DSCAML1: variants seen among roughly 807,000 people sequenced by gnomAD.
The protein encoded by DSCAML1 is DS cell adhesion molecule like 1.
In DSCAML1, 38 loss-of-function variants were observed where a neutral mutation model predicts 200.5. The observed-to-expected ratio is 0.19, with a 90% confidence interval of 0.15 to 0.25. DSCAML1 has a LOEUF of 0.25. DSCAML1 is among the 10% of genes least tolerant of loss of function. The probability of loss-of-function intolerance (pLI) is 1.00; values close to 1 mark genes in which losing one functional copy is unlikely to be tolerated. For missense variants in DSCAML1, 2,223 were observed against 2,858.8 expected, an observed-to-expected ratio of 0.78 and a Z score of 5.07; for synonymous variants, 1,215 against 1,165.0, an observed-to-expected ratio of 1.04 and a Z score of -0.87.
At chr11:117,660,505 G>A (rs1034959980) in intron 3 of DSCAML1, among the ~76,000 whole-genome samples, 6 of 152,170 alleles carry the variant, frequency 3.9e-5, no homozygotes, top group Non-Finnish European at 5.9e-5. Context: ...GGCAGCAAGG[G>A]CAAAGTCTTC....
chr11:117,759,537 A>G (rs1050983368), intron 3 of DSCAML1, among the ~76,000 whole-genome samples: 3 of 151,908 alleles, frequency 2.0e-5, no homozygotes, highest in African/African-American at 4.8e-5. Flanking sequence ...TCGACTCCCA[A>G]CTTTCTCTTG....
At chr11:117,711,692 T>A (rs934133780) in intron 3 of DSCAML1, among the ~76,000 whole-genome samples, 1 of 152,208 alleles carries the variant, frequency 6.6e-6, no homozygotes, top group African/African-American at 2.4e-5. Context: ...GCCGGTCCTT[T>A]TTTTTCCTCC....
chr11:117,666,364 A>G (rs2052975669), intron 3 of DSCAML1, among the ~76,000 whole-genome samples: 1 of 152,222 alleles, frequency 6.6e-6, no homozygotes, highest in Non-Finnish European at 1.5e-5. Context: ...AAGTTGTGTA[A>G]TCAATGTTAG....
At chr11:117,646,363 G>C (rs2052523143) in intron 3 of DSCAML1, among the ~76,000 whole-genome samples, 1 of 152,076 alleles carries the variant, frequency 6.6e-6, no homozygotes, top group Admixed American at 6.6e-5. Context: ...TGTTTGATGA[G>C]GCCAGAAGTG....
rs138054885 is a variant in DSCAML1, at chr11:117,593,253, G to T, written c.512-60731C>A. On this transcript the variant is annotated intron_variant, in intron 3 of 32. Coordinates refer to ENST00000651296, the MANE Select transcript of DSCAML1 (RefSeq NM_020693.4). ...GTGCAGAAGAAAATGGATGCCTTCT[G>T]CCCTGCAGCAAAATCTCTGCTTTCT... Among the ~76,000 whole-genome samples the T allele has an allele frequency of 7.2e-5, 11 of 152,316 alleles. No individual in the cohort carries two copies. The East Asian group carries it at 2.1e-3, about 29-fold the overall frequency.
intron 3 of DSCAML1, among the ~76,000 whole-genome samples, chr11:117,587,066 C>T (rs910779654): frequency 4.6e-5 from 7 of 152,152 alleles, no homozygotes; most frequent in African/African-American, 7.2e-5. Context: ...GGCCACATCA[C>T]GCAGGACCCC....
intron 15 of DSCAML1, 103 bp from the exon 16 acceptor site, chr11:117,470,083 G>C: frequency 9.1e-7 from 1 of 1,093,600 alleles, no homozygotes; most frequent in Non-Finnish European, 1.3e-6. Flanking sequence ...GGGCTCCTGG[G>C]GAGAAGACTA....
At chr11:117,769,090 A>C (rs1395289779) in intron 3 of DSCAML1, among the ~76,000 whole-genome samples, 7 of 129,480 alleles carry the variant, frequency 5.4e-5, no homozygotes, top group African/African-American at 2.0e-4. Context: ...TATATATAAT[A>C]TATATTTTAT....
At chr11:117,568,902 G>C (rs1357364998) in intron 3 of DSCAML1, among the ~76,000 whole-genome samples, 1 of 152,106 alleles carries the variant, frequency 6.6e-6, no homozygotes, top group Non-Finnish European at 1.5e-5. Context: ...AAAAGAGCCC[G>C]CATCACCAAG....
At chr11:117,700,049 C>T (rs765264504) in intron 3 of DSCAML1, among the ~76,000 whole-genome samples, 7 of 152,124 alleles carry the variant, frequency 4.6e-5, no homozygotes, top group East Asian at 3.9e-4. Context: ...AAAGAGACCT[C>T]GTGCTTGTGT....
intron 19 of DSCAML1, among the ~76,000 whole-genome samples, chr11:117,458,077 G>A (rs1407919591): frequency 2.5e-5 from 3 of 121,410 alleles, no homozygotes; most frequent in East Asian, 4.6e-4. Context: ...TGCCTCCCTG[G>A]CGGCCCTGGG....
intron 3 of DSCAML1, among the ~76,000 whole-genome samples, chr11:117,728,086 C>T (rs1217004101): frequency 1.3e-5 from 2 of 152,118 alleles, no homozygotes; most frequent in Non-Finnish European, 2.9e-5. Flanking sequence ...TGTACTATGA[C>T]CAAGTGGGAT....
At chr11:117,809,963 ACACATT>A (rs1403807762) in intron 1 of DSCAML1, among the ~76,000 whole-genome samples, 1 of 91,126 alleles carries the variant, frequency 1.1e-5, no homozygotes, top group Non-Finnish European at 2.3e-5. Context: ...TCACACACTC[ACACATT>A]CACACACACT....
chr11:117,465,994 G>A (rs1448757422), intron 16 of DSCAML1, among the ~76,000 whole-genome samples: 1 of 152,128 alleles, frequency 6.6e-6, no homozygotes, highest in East Asian at 1.9e-4. Context: ...CATTGCTGGT[G>A]GGAATGGAAA....
chr11:117,491,999 A>G (rs564424310), intron 11 of DSCAML1, among the ~76,000 whole-genome samples: 17 of 152,248 alleles, frequency 1.1e-4, no homozygotes, highest in African/African-American at 4.1e-4. Context: ...GGAGGTTCTC[A>G]GGCCTGGCTA....
chr11:117,521,425 C>G lies in DSCAML1; in HGVS notation c.938-20G>C. ...GGGGATCTGGGCCGGGCCAGGGAGA[C>G]GTGAGGGGAAATGGGAGGGAGGAAA... On this transcript the variant is annotated intron_variant, in intron 5 of 32. Coordinates refer to ENST00000651296, the MANE Select transcript of DSCAML1 (RefSeq NM_020693.4). 6.2e-7 allele frequency: 1 copy of G among 1,604,696 alleles called. No homozygotes were observed.
At chr11:117,806,406 C>T (rs2055707524) in intron 1 of DSCAML1, among the ~76,000 whole-genome samples, 1 of 152,188 alleles carries the variant, frequency 6.6e-6, no homozygotes, top group African/African-American at 2.4e-5. Context: ...GCTGTGTCCT[C>T]AAAGACTCAT....
chr11:117,512,890 C>T (rs1258168508), intron 8 of DSCAML1, among the ~76,000 whole-genome samples: 1 of 151,924 alleles, frequency 6.6e-6, no homozygotes, highest in Admixed American at 6.6e-5. Flanking sequence ...AGCGAGTCGC[C>T]GAGACGGAAT....
chr11:117,453,675 G>C (rs1592601090), intron 19 of DSCAML1, among the ~76,000 whole-genome samples: 2 of 151,050 alleles, frequency 1.3e-5, no homozygotes, highest in African/African-American at 4.9e-5. Flanking sequence ...TTGCTTTTAA[G>C]ATCTCTCTCT....
Sources: gnomAD v4.1 joint callset for allele counts (sites outside exome capture counted in the v4.1 genomes callset) on GRCh38, gnomAD v4.1.1 for gene constraint, MANE v1.5 for transcripts, NCBI Gene and HGNC (gene_info 2026-07-23, HGNC 2026-07-21) for gene names.